Variants in SEMA3D observed in about 807,000 individuals in gnomAD.
The protein encoded by SEMA3D is semaphorin 3D, also known as semaphorin-3D.
In SEMA3D, 84 loss-of-function variants were observed where a neutral mutation model predicts 100.1. The observed-to-expected ratio is 0.84, with a 90% CI of 0.70 to 1.01. The LOEUF is 1.01. Ranked by LOEUF, SEMA3D falls within the 50% of genes least tolerant of loss-of-function variation. SEMA3D has a pLI of 0.00. For synonymous variants in SEMA3D, 312 were observed against 320.7 expected (o/e 0.97, Z 0.29); for missense variants, 875 against 934.1 (o/e 0.94, Z 0.82).
intron 12 of SEMA3D, chr7:85,029,502 C>A: frequency 1.5e-6 from 1 of 656,170 alleles, no homozygotes. Context: ...ACTGGCTCGA[C>A]AAGAATCAGA....
At chr7:85,073,935 C>T (rs1791848312) in intron 5 of SEMA3D, among the ~76,000 whole-genome samples, 1 of 152,156 alleles carries the variant, frequency 6.6e-6, no homozygotes, top group African/African-American at 2.4e-5. Flanking sequence ...ATCTTTAGAA[C>T]TTAATTATTT....
At chr7:85,142,602 A>G (rs1790086295) in intron 2 of SEMA3D, 1 of 984,716 alleles carries the variant, frequency 1.0e-6, no homozygotes, top group Non-Finnish European at 1.2e-6. Context: ...AGAAGAATAA[A>G]GGCTTTGGAT....
chr7:85,124,837 A>C (rs1789520874), intron 2 of SEMA3D, among the ~76,000 whole-genome samples: 1 of 152,142 alleles, frequency 6.6e-6, no homozygotes, highest in South Asian at 2.1e-4. Flanking sequence ...GGCTCTGCGT[A>C]TTCTGGTACC....
chr7:85,156,649 T>G (rs1021098092), intron 1 of SEMA3D, among the ~76,000 whole-genome samples: 2 of 152,142 alleles, frequency 1.3e-5, no homozygotes, highest in Non-Finnish European at 2.9e-5. Context: ...GTTGCTTACA[T>G]TTTCCACCCA....
At chr7:85,048,711 AG>A (rs1351175673) in intron 9 of SEMA3D, among the ~76,000 whole-genome samples, 1 of 151,910 alleles carries the variant, frequency 6.6e-6, no homozygotes, top group African/African-American at 2.4e-5. Flanking sequence ...TTTTTAAAAA[AG>A]GATCTGACCA....
At chr7:85,219,861 T>C in the SEMA3D span, among the ~76,000 whole-genome samples, 2 of 152,088 alleles carry the variant, frequency 1.3e-5, no homozygotes, top group African/African-American at 4.8e-5. Flanking sequence ...TTGTGTGAAG[T>C]GTTTTGAGTT....
At chr7:85,143,315 T>A (rs1477248723) in intron 2 of SEMA3D, 11 of 385,748 alleles carry the variant, frequency 2.9e-5, no homozygotes, top group Non-Finnish European at 3.9e-5. Context: ...ACAGTCATGC[T>A]TTAACAATGA....
chr7:85,225,183 T>C, the SEMA3D span, among the ~76,000 whole-genome samples: 2 of 143,452 alleles, frequency 1.4e-5, no homozygotes, highest in African/African-American at 5.1e-5. Flanking sequence ...AAAATACATA[T>C]ATAATACATA....
chr7:85,167,570 A>G (rs1370258160), intron 1 of SEMA3D: 1 of 171,926 alleles, frequency 5.8e-6, no homozygotes, highest in Non-Finnish European at 1.2e-5. Flanking sequence ...TAAGCATTCA[A>G]GGTCTACCTG....
At chr7:85,006,014 G>A (rs559666022) in intron 18 of SEMA3D, among the ~76,000 whole-genome samples, 93 of 152,072 alleles carry the variant, frequency 6.1e-4, no homozygotes, top group African/African-American at 2.2e-3. Context: ...TGAATTCTCA[G>A]GAGTCAAGCC....
intron 2 of SEMA3D, 31 bp downstream of exon 2, chr7:85,153,577 C>CTATA (rs1790496643): frequency 6.9e-6 from 1 of 145,332 alleles, no homozygotes; most frequent in African/African-American, 2.5e-5. Flanking sequence ...ATCTATCTAT[C>CTATA]TATTGAGGTT....
Position 85,097,766 on chromosome 7 carries a change from T to C in SEMA3D, c.312+39A>G, listed in dbSNP as rs144766681. The C allele has an allele frequency of 8.2e-4, 1,041 of 1,275,626 alleles. 10 individuals carry two copies. The African/African-American group carries it at 0.015, about 18-fold the overall frequency. The allele number at this position is 1,275,626 out of a possible 1,614,324, so 79.0% of individuals were successfully genotyped here. A position where few individuals can be genotyped will look rare whatever the true frequency, so the allele number is the denominator to read the frequency against. ...AACGGGAGAAGAAGAGAGATGAAAA[T>C]AAATGAATTTAACCAAATGTATATA... is the stretch of plus-strand genomic sequence containing the variant. On this transcript the variant is annotated intron_variant, in intron 4 of 18. Transcript: ENST00000284136.
intron 1 of SEMA3D, among the ~76,000 whole-genome samples, chr7:85,173,209 TA>T (rs142024556): frequency 1.3e-5 from 2 of 151,678 alleles, no homozygotes; most frequent in Non-Finnish European, 2.9e-5. Flanking sequence ...ATAAATGGAG[TA>T]AAAAAATATT....
chr7:85,136,688 G>A (rs1789876165), intron 2 of SEMA3D, among the ~76,000 whole-genome samples: 1 of 152,042 alleles, frequency 6.6e-6, no homozygotes, highest in Non-Finnish European at 1.5e-5. Context: ...AAAATATAAT[G>A]TGTATCAACT....
intron 2 of SEMA3D, among the ~76,000 whole-genome samples, chr7:85,139,843 C>G (rs1455556421): frequency 1.6e-5 from 2 of 127,652 alleles, no homozygotes; most frequent in Admixed American, 1.5e-4. Flanking sequence ...TTCTATTTCT[C>G]TATCAAAGAA....
At chr7:85,149,619 T>G (rs1021358543) in intron 2 of SEMA3D, among the ~76,000 whole-genome samples, 1 of 152,144 alleles carries the variant, frequency 6.6e-6, no homozygotes, top group African/African-American at 2.4e-5. Flanking sequence ...TTTGCCATAA[T>G]GGACTGAGAA....
intron 2 of SEMA3D, chr7:85,141,398 A>G (rs1284818074): frequency 1.0e-6 from 1 of 984,528 alleles, no homozygotes; most frequent in Non-Finnish European, 1.2e-6. Context: ...TCCAGAGAAA[A>G]TTAATCATTG....
chr7:85,171,023 G>A (rs1474737882), intron 1 of SEMA3D, among the ~76,000 whole-genome samples: 3 of 151,906 alleles, frequency 2.0e-5, no homozygotes, highest in African/African-American at 2.4e-5. Context: ...AGTATACTAA[G>A]GCGGATACAG....
chr7:85,140,745 A>G, intron 2 of SEMA3D: 1 of 977,124 alleles, frequency 1.0e-6, no homozygotes, highest in Non-Finnish European at 1.2e-6. Context: ...TTCCCTGGGG[A>G]TTGGCCTAAT....
Sources: allele counts gnomAD v4.1 joint callset (sites outside exome capture counted in the v4.1 genomes callset), GRCh38; gene constraint gnomAD v4.1.1; transcripts MANE v1.5; gene names NCBI Gene and HGNC (gene_info 2026-07-23, HGNC 2026-07-21).